NUP54: variants seen among roughly 807,000 people sequenced by gnomAD.
The protein encoded by NUP54 is nucleoporin p54.
NUP54 carries 27 observed loss-of-function variants against 66.4 expected under a neutral mutation model. The ratio of observed to expected loss-of-function variants is 0.41; its 90% CI spans 0.30 to 0.56. NUP54 has a LOEUF of 0.56. Ranked by LOEUF, NUP54 falls within the 20% of genes least tolerant of loss-of-function variation. NUP54 has a pLI of 0.34. For missense variants in NUP54, 486 were observed against 596.3 expected (o/e 0.82, Z 1.93); for synonymous variants, 206 against 210.7 (o/e 0.98, Z 0.19).
At chr4:76,146,147 A>G (rs762157033) in intron 1 of NUP54, 6 of 444,734 alleles carry the variant, frequency 1.3e-5, no homozygotes, top group South Asian at 1.6e-5. Context: ...TATACAAAAT[A>G]AAAAGTAAAC....
intron 8 of NUP54, among the ~76,000 whole-genome samples, chr4:76,125,865 G>GGGGAGAGA (rs1730514861): frequency 5.5e-5 from 5 of 90,124 alleles, no homozygotes; most frequent in South Asian, 4.6e-4. Flanking sequence ...GGAGGGGGAG[G>GGGGAGAGA]GAGAGAGAGA....
In NUP54 at chr4:76,115,244, A is replaced by G. The variant is rs1359395031; in HGVS notation, c.*122T>C. ...CAGTAATTTGTCAGTAAACTTCTCA[A>G]AAAACCAATCCAAGAAAGAATTGTT... On this transcript the variant is annotated 3_prime_UTR_variant, in exon 12 of 12. Coordinates refer to ENST00000264883, the MANE Select transcript of NUP54 (RefSeq NM_017426.4). 5 of 929,854 alleles carry G rather than the reference A, an allele frequency of 5.4e-6. No individual in the cohort carries two copies. Among genetic ancestry groups the G allele is most frequent in the Non-Finnish European group, 7.4e-6 (5 of 674,372 alleles). 57.6% of individuals were successfully genotyped at this position (929,854 alleles called of 1,614,324 possible).
At chr4:76,136,535 TATAA>T in intron 3 of NUP54, 123 bp from the exon 4 acceptor site, 1 of 656,104 alleles carries the variant, frequency 1.5e-6, no homozygotes, top group Non-Finnish European at 2.6e-6. Flanking sequence ...CTACAGAACC[TATAA>T]ATATGTTATC....
intron 8 of NUP54, among the ~76,000 whole-genome samples, chr4:76,125,723 GGAGA>G (rs1390442619): frequency 3.9e-5 from 1 of 25,366 alleles, no homozygotes; most frequent in Non-Finnish European, 7.4e-5. Flanking sequence ...GGAGAGAGGG[GGAGA>G]GAGAGGGAGA....
In NUP54 at chr4:76,144,162, C is replaced by G; in HGVS notation, c.282G>C (p.Gln94His). The G allele has an allele frequency of 1.9e-6, 3 of 1,610,890 alleles. No individual in the cohort carries two copies. The highest frequency in any genetic ancestry group is 2.5e-6 in the Non-Finnish European group (3 of 1,178,490). ...CCTCATACTTACTAGTTTGCTGCTG[C>G]TGCTGTGTATTAAATCCTCCAAATC... is the stretch of plus-strand genomic sequence containing the variant. Reference protein sequence around the residue: ...GLGFGGFNTQQQQQTTLGGLF... With the variant: ...GLGFGGFNTQHQQQTTLGGLF... The change falls in exon 3 of 12, where the codon CAG becomes CAC. Residue 94 changes from glutamine (Q) to histidine (H), a missense_variant. Coordinates refer to ENST00000264883, the MANE Select transcript of NUP54 (RefSeq NM_017426.4).
intron 3 of NUP54, among the ~76,000 whole-genome samples, chr4:76,139,322 C>T (rs62300620): frequency 0.14 from 21,278 of 152,176 alleles, 1,659 homozygotes; most frequent in East Asian, 0.35. Context: ...AGCCTCTCAA[C>T]GTGACGTGAT....
chr4:76,124,629 G>A lies in NUP54; in HGVS notation c.1164+20C>T. The A allele has an allele frequency of 1.7e-6, 2 of 1,144,378 alleles. No homozygotes were observed. The highest frequency in any genetic ancestry group is 2.0e-4 in the Middle Eastern group (1 of 5,070). 70.9% of individuals were successfully genotyped at this position (1,144,378 alleles called of 1,614,324 possible). A position where few individuals can be genotyped will look rare whatever the true frequency, so the allele number is the denominator to read the frequency against. ...ACACATAGTCTTATAAACACTGGGG[G>A]GGAAAATCCAAATTACTACCTGTAA... On this transcript the variant is annotated intron_variant, in intron 9 of 11. Transcript: ENST00000264883.
chr4:76,121,617 C>T (rs1730241880), intron 9 of NUP54, among the ~76,000 whole-genome samples: 1 of 152,174 alleles, frequency 6.6e-6, no homozygotes, highest in Non-Finnish European at 1.5e-5. Flanking sequence ...GGTGCCATGT[C>T]ATCACACCCA....
chr4:76,129,310 A>ATT (rs1730675921), intron 8 of NUP54, among the ~76,000 whole-genome samples: 1 of 152,206 alleles, frequency 6.6e-6, no homozygotes, highest in African/African-American at 2.4e-5. Flanking sequence ...TGCCAAGAAA[A>ATT]CACAACAATC....
At chr4:76,125,853 G>A (rs139381153) in intron 8 of NUP54, among the ~76,000 whole-genome samples, 4 of 71,144 alleles carry the variant, frequency 5.6e-5, no homozygotes, top group Admixed American at 1.4e-4. Flanking sequence ...AGGGAGAGAG[G>A]GGGAGGGGGA....
At chr4:76,117,593 TAATA>T in intron 11 of NUP54, 67 bp downstream of exon 11, 1 of 903,108 alleles carries the variant, frequency 1.1e-6, no homozygotes. Context: ...CTTATTAGGA[TAATA>T]GCCATCCTAA....
chr4:76,117,660 T>A lies in NUP54; in HGVS notation c.1395+4A>T, dbSNP rs755977899. ...TAAATAATGCAGCCTCATGCAACAC[T>A]TACCTGCTTGATTTCTCGTAACAGA... On this transcript the variant is annotated splice_donor_region_variant and intron_variant, in intron 11 of 11. Transcript: ENST00000264883. 1 of 1,584,568 alleles carries A rather than the reference T, an allele frequency of 6.3e-7. No homozygotes were observed. Among genetic ancestry groups the A allele is most frequent in the Non-Finnish European group, 8.7e-7 (1 of 1,153,404 alleles).
At chr4:76,115,552 G>A in intron 11 of NUP54, 58 bp from the exon 12 acceptor site, 3 of 1,416,230 alleles carry the variant, frequency 2.1e-6, no homozygotes, top group Admixed American at 2.6e-5. Flanking sequence ...CTGCAAGCTA[G>A]TCACAGGAAA....
In NUP54 at chr4:76,129,851, C is replaced by T. The variant is rs181601628; in HGVS notation, c.1056+805G>A. On this transcript the variant is annotated intron_variant, in intron 8 of 11. Transcript: ENST00000264883. ...CTGTGCTCCAGCCTGGGCGACAGAG[C>T]GAGAGACGTCTCAAAAAAAAAAAAA... Among the ~76,000 whole-genome samples, 256 of 90,710 alleles carry T rather than the reference C, an allele frequency of 2.8e-3. 2 individuals are homozygous for T. Among genetic ancestry groups the T allele is most frequent in the African/African-American group, 0.013 (245 of 19,188 alleles). 59.5% of individuals were successfully genotyped at this position (90,710 alleles called of 152,430 possible).
chr4:76,125,336 A>ACGTGCGCG (rs1238783900), intron 8 of NUP54, among the ~76,000 whole-genome samples: 1 of 126,996 alleles, frequency 7.9e-6, no homozygotes, highest in African/African-American at 2.6e-5. Context: ...ACACACACAC[A>ACGTGCGCG]CACACACACA....
At chr4:76,120,616 T>G (rs1188936177) in intron 9 of NUP54, among the ~76,000 whole-genome samples, 1 of 151,520 alleles carries the variant, frequency 6.6e-6, no homozygotes, top group Non-Finnish European at 1.5e-5. Context: ...TTTAGTAGAG[T>G]CGGGGTTTCA....
Position 76,117,653 on chromosome 4 carries a change from G to C in NUP54, c.1395+11C>G. On this transcript the variant is annotated intron_variant, in intron 11 of 11. Transcript: ENST00000264883. ...CACACTTTAAATAATGCAGCCTCAT[G>C]CAACACTTACCTGCTTGATTTCTCG... is the stretch of plus-strand genomic sequence containing the variant. The C allele has an allele frequency of 3.9e-6, 6 of 1,544,300 alleles. No individual in the cohort carries two copies. Among genetic ancestry groups the C allele is most frequent in the Non-Finnish European group, 5.4e-6 (6 of 1,117,288 alleles).
chr4:76,131,107 A>G, intron 7 of NUP54, 123 bp downstream of exon 7: 1 of 696,496 alleles, frequency 1.4e-6, no homozygotes, highest in Non-Finnish European at 2.5e-6. Flanking sequence ...AATATTTTTT[A>G]AAGGCCAGGA....
chr4:76,122,753 TA>T (rs1442101395), intron 9 of NUP54, among the ~76,000 whole-genome samples: 1 of 152,158 alleles, frequency 6.6e-6, no homozygotes, highest in Non-Finnish European at 1.5e-5. Flanking sequence ...CACTTGTAAA[TA>T]AATTTTAATA....
Sources: allele counts gnomAD v4.1 joint callset (sites outside exome capture counted in the v4.1 genomes callset), GRCh38; gene constraint gnomAD v4.1.1; transcripts MANE v1.5; gene names NCBI Gene and HGNC (gene_info 2026-07-23, HGNC 2026-07-21).